Variants in BCOR observed in about 807,000 individuals in gnomAD.
The protein encoded by BCOR is BCL-6 corepressor.
In BCOR, 10 loss-of-function variants were observed where a neutral mutation model predicts 86.7. That is an observed-to-expected ratio of 0.12 (90% CI 0.07 to 0.20). The LOEUF is 0.20. Among genes scored for constraint, BCOR ranks in the 10% least tolerant of loss-of-function variants. The pLI, the probability that BCOR is intolerant of heterozygous loss-of-function variation, is 1.00. For missense variants in BCOR, 1,259 were observed against 1,452.1 expected (o/e 0.87, Z 2.16); for synonymous variants, 611 against 609.0 (o/e 1.00, Z -0.05).
At chrX:40,154,863 C>T (rs952010763) in intron 1 of BCOR, among the ~76,000 whole-genome samples, 2 of 112,697 alleles carry the variant, frequency 1.8e-5, no homozygotes, top group Non-Finnish European at 3.8e-5. Context: ...CCTGTTATTC[C>T]TCTTTTGCAG....
intron 6 of BCOR, among the ~76,000 whole-genome samples, chrX:40,068,901 G>A (rs139141351): frequency 0.013 from 1,520 of 113,217 alleles, 24 homozygotes; most frequent in African/African-American, 0.047. Context: ...AGCTGAGGCC[G>A]CACAGGCGGC....
Position 40,074,960 on chromosome X carries a change from G to A in BCOR, c.386C>T (p.Pro129Leu). The change falls in exon 4 of 15, where the codon CCC becomes CTC. Residue 129 changes from proline to leucine, a missense_variant. Physicochemically the swap from Pro to Leu is moderately conservative, Grantham distance 98. Coordinates refer to ENST00000378444, the MANE Select transcript of BCOR (RefSeq NM_001123385.2). ...NPEMQFKPNT[P>L]ETVEASAVSG... ...GACGGCAGAAGCCTCCACTGTCTCG[G>A]GTGTATTCGGTTTGAACTGCATCTC... is the stretch of plus-strand genomic sequence containing the variant. 8.3e-7 allele frequency: 1 copy of A among 1,211,088 alleles called. No homozygotes were observed. The highest frequency in any genetic ancestry group is 1.1e-6 in the Non-Finnish European group (1 of 895,231).
intron 1 of BCOR, among the ~76,000 whole-genome samples, chrX:40,115,844 TTC>T (rs1022670400): frequency 2.7e-5 from 3 of 110,609 alleles, no homozygotes; most frequent in African/African-American, 9.9e-5. Flanking sequence ...AACAAATAGA[TTC>T]TGTTTGAAAA....
chrX:40,131,732 G>A (rs1937604607), intron 1 of BCOR, among the ~76,000 whole-genome samples: 1 of 111,748 alleles, frequency 8.9e-6, no homozygotes, highest in Non-Finnish European at 1.9e-5. Flanking sequence ...GCAAGCGACT[G>A]GAGACCTGGC....
intron 6 of BCOR, among the ~76,000 whole-genome samples, chrX:40,067,803 A>G (rs189837196): frequency 4.5e-5 from 5 of 111,801 alleles, no homozygotes; most frequent in Non-Finnish European, 9.4e-5. Context: ...CGTATGGCAA[A>G]CAGCTATGAG....
chrX:40,174,406 G>T (rs902883041), intron 1 of BCOR, among the ~76,000 whole-genome samples: 1 of 112,336 alleles, frequency 8.9e-6, no homozygotes, highest in Non-Finnish European at 1.9e-5. Context: ...CAGAATTCCA[G>T]TTCTCGAGCG....
chrX:40,093,390 T>C (rs1936704515), intron 1 of BCOR, among the ~76,000 whole-genome samples: 1 of 111,789 alleles, frequency 8.9e-6, no homozygotes, highest in Non-Finnish European at 1.9e-5. Context: ...GATCACAAAC[T>C]CTTAAAGAAA....
chrX:40,063,315 G>A (rs1181943403), intron 8 of BCOR, among the ~76,000 whole-genome samples: 2 of 112,492 alleles, frequency 1.8e-5, no homozygotes, highest in African/African-American at 3.2e-5. Context: ...CAAAGGGCCC[G>A]GAAGAGAGGA....
intron 8 of BCOR, 31 bp downstream of exon 8, chrX:40,063,577 G>A (rs2147048919): frequency 1.7e-6 from 2 of 1,149,743 alleles, no homozygotes; most frequent in Non-Finnish European, 2.4e-6. Context: ...CCAGGAGCGG[G>A]GTGAACACTC....
Position 40,051,581 on chromosome X carries a change from T to C in BCOR, c.*528A>G, listed in dbSNP as rs770435143. On this transcript the variant is annotated 3_prime_UTR_variant, in exon 15 of 15. Transcript: ENST00000378444. Reference sequence around the variant, plus strand: ...ATAAAAGTTTCATACAATTAGTTGTTGTGTGTGGATATGGTTTGAATTTAT... The same window carrying C: ...ATAAAAGTTTCATACAATTAGTTGTCGTGTGTGGATATGGTTTGAATTTAT... 10 of 174,223 alleles carry C rather than the reference T, an allele frequency of 5.7e-5. No individual in the cohort carries two copies. Among genetic ancestry groups the C allele is most frequent in the South Asian group, 6.2e-4 (2 of 3,248 alleles). 14.4% of individuals were successfully genotyped at this position (174,223 alleles called of 1,213,427 possible).
Position 40,074,481 on chromosome X carries a change from A to G in BCOR, c.865T>C (p.Trp289Arg). ...LVHCADKSLP[W>R]KMGVSPGNPV... The stretch of plus-strand genomic sequence containing the variant: ...TTCCCAGGGCTGACGCCCATCTTCC[A>G]CGGGAGGCTTTTGTCTGCGCAATGG... Residue 289 changes from tryptophan to arginine, a missense_variant, in exon 4 of 15, where the codon TGG (tryptophan) becomes CGG (arginine). Around this residue, in one of 7 missense-constraint regions of BCOR, gnomAD observed 534 missense variants for 594.8 expected, o/e 0.90. Transcript: ENST00000378444. The G allele has an allele frequency of 2.5e-6, 3 of 1,205,269 alleles. No homozygotes were observed. The highest frequency in any genetic ancestry group is 3.4e-6 in the Non-Finnish European group (3 of 892,012).
At position 40,051,389 on chromosome X, in the gene BCOR, T is replaced by C. The variant is rs1315848785; in HGVS notation, c.*720A>G. 1.2e-5 allele frequency: 2 copies of C among 170,145 alleles called. No homozygotes were observed. The highest frequency in any genetic ancestry group is 2.3e-5 in the Non-Finnish European group (2 of 88,826). 14.0% of individuals were successfully genotyped at this position (170,145 alleles called of 1,213,427 possible). A position where few individuals can be genotyped will look rare whatever the true frequency, so the allele number is the denominator to read the frequency against. ...CACGATTCAGAAAATTTTAGTTTTATGTACATTTCCAAGCAACCTCAACAT... is the reference window on the plus strand; with the variant it reads ...CACGATTCAGAAAATTTTAGTTTTACGTACATTTCCAAGCAACCTCAACAT... On this transcript the variant is annotated 3_prime_UTR_variant, in exon 15 of 15. Coordinates refer to ENST00000378444, the MANE Select transcript of BCOR (RefSeq NM_001123385.2).
At position 40,073,707 on chromosome X, in the gene BCOR, T is replaced by C. The variant is rs781455645; in HGVS notation, c.1639A>G (p.Met547Val). ...GTGATGACAGCATCGGTGCCGCCCA[T>C]GCGCGGGCATGATGAACTCCGCTGC... ...PQQRSSSCPR[M>V]GGTDAVITNV... The change falls in exon 4 of 15, where the codon ATG (methionine) becomes GTG (valine). Residue 547 changes from methionine to valine, a missense_variant. Transcript: ENST00000378444. The C allele has an allele frequency of 2.5e-6, 3 of 1,212,659 alleles. No individual in the cohort carries two copies. Among genetic ancestry groups the C allele is most frequent in the South Asian group, 1.8e-5 (1 of 57,075 alleles).
At chrX:40,168,775 G>A (rs987651864) in intron 1 of BCOR, among the ~76,000 whole-genome samples, 1 of 113,446 alleles carries the variant, frequency 8.8e-6, no homozygotes, top group Non-Finnish European at 1.9e-5. Flanking sequence ...CGGGGCCTAC[G>A]AAAGCAGCAG....
intron 2 of BCOR, chrX:40,077,610 T>A (rs1935871448): frequency 2.4e-6 from 1 of 424,088 alleles, no homozygotes. Flanking sequence ...TATGAAATAA[T>A]AAATTAAGGA....
chrX:40,065,762 G>A (rs1233005900), intron 6 of BCOR, among the ~76,000 whole-genome samples: 2 of 111,787 alleles, frequency 1.8e-5, no homozygotes, highest in Non-Finnish European at 3.8e-5. Context: ...AGGGTTATGA[G>A]TCTGGTGTCT....
chrX:40,077,783 G>C, intron 2 of BCOR, 61 bp downstream of exon 2: 1 of 1,085,609 alleles, frequency 9.2e-7, no homozygotes, highest in Non-Finnish European at 1.3e-6. Context: ...GTGAGAAGTT[G>C]AGGGGGGCTT....
chrX:40,084,699 C>T (rs1036820984), intron 1 of BCOR, among the ~76,000 whole-genome samples: 2 of 95,788 alleles, frequency 2.1e-5, no homozygotes, highest in African/African-American at 1.1e-4. Flanking sequence ...ACGCCGTCGC[C>T]GCCACCCCCC....
chrX:40,154,418 C>T (rs1282862745), intron 1 of BCOR, among the ~76,000 whole-genome samples: 2 of 112,564 alleles, frequency 1.8e-5, no homozygotes, highest in Admixed American at 1.9e-4. Flanking sequence ...GCTCGCCGTC[C>T]CCCTCCTCCC....
Sources: gnomAD v4.1 joint callset for allele counts (sites outside exome capture counted in the v4.1 genomes callset) on GRCh38, gnomAD v4.1.1 for gene constraint, gnomAD v4.1.1 regional missense constraint, MANE v1.5 for transcripts, NCBI Gene and HGNC (gene_info 2026-07-23, HGNC 2026-07-21) for gene names.